Variants in USP34 observed in about 807,000 individuals in gnomAD.
The protein encoded by USP34 is ubiquitin carboxyl-terminal hydrolase 34.
Under a neutral mutation model 460.3 loss-of-function variants are expected in USP34, and 70 were observed. The ratio of observed to expected loss-of-function variants is 0.15; its 90% CI spans 0.13 to 0.19. USP34 has a LOEUF of 0.19. Among genes scored for constraint, USP34 ranks in the 10% least tolerant of loss-of-function variants. The pLI is 1.00. For synonymous variants in USP34, 1,647 were observed against 1,405.3 expected (o/e 1.17, Z -3.85); for missense variants, 3,985 against 4,236.2 (o/e 0.94, Z 1.65).
intron 2 of USP34, among the ~76,000 whole-genome samples, chr2:61,408,213 T>G (rs1292260448): frequency 6.6e-6 from 1 of 152,104 alleles, no homozygotes; most frequent in Admixed American, 6.6e-5. Flanking sequence ...CCACATGAGC[T>G]TTTTACATGA....
At chr2:61,441,083 G>A (rs1208065896) in intron 1 of USP34, among the ~76,000 whole-genome samples, 3 of 150,528 alleles carry the variant, frequency 2.0e-5, no homozygotes, top group Non-Finnish European at 3.0e-5. Flanking sequence ...AGCTGAGATC[G>A]CGCCACTGCA....
chr2:61,248,751 T>C (rs1688490256), intron 48 of USP34, 68 bp from the exon 49 acceptor site: 1 of 1,403,672 alleles, frequency 7.1e-7, no homozygotes, highest in South Asian at 1.5e-5. Flanking sequence ...TGATTTCTGT[T>C]ATGCTATATC....
At chr2:61,231,003 A>C (rs1235608782) in intron 58 of USP34, among the ~76,000 whole-genome samples, 1 of 152,250 alleles carries the variant, frequency 6.6e-6, no homozygotes, top group African/African-American at 2.4e-5. Context: ...TCAAATATTC[A>C]GCTGATGAAC....
Position 61,284,897 on chromosome 2 carries a change from T to C in USP34, c.4810A>G (p.Thr1604Ala). ...LIQRLMSVAY[T>A]YDNLAPRVLK... ...TACCTAGGAGCCAGATTATCATACG[T>C]ATAAGCAACAGACATAAGTCGCTGA... Residue 1604 changes from threonine to alanine, a missense_variant, in exon 35 of 80, where the codon ACG (threonine) becomes GCG (alanine). Transcript: ENST00000398571. 6.2e-7 allele frequency: 1 copy of C among 1,611,096 alleles called. No individual in the cohort carries two copies. The highest frequency in any genetic ancestry group is 1.3e-5 in the African/African-American group (1 of 74,960).
chr2:61,203,821 G>T (rs979823094), intron 74 of USP34, among the ~76,000 whole-genome samples: 2 of 151,304 alleles, frequency 1.3e-5, no homozygotes, highest in East Asian at 1.9e-4. Context: ...TGAGTTAGAA[G>T]AAAGGAACCA....
chr2:61,263,961 T>C (rs1688973168), intron 43 of USP34, among the ~76,000 whole-genome samples: 1 of 152,186 alleles, frequency 6.6e-6, no homozygotes, highest in Non-Finnish European at 1.5e-5. Flanking sequence ...TACTAATTCC[T>C]AGAAGTGTTA....
chr2:61,298,399 G>A (rs1183114731), intron 29 of USP34, among the ~76,000 whole-genome samples: 1 of 147,334 alleles, frequency 6.8e-6, no homozygotes, highest in Non-Finnish European at 1.5e-5. Context: ...CTAGCTGGGC[G>A]TGGTGGCGTG....
chr2:61,469,036 G>T (rs1216791257), intron 1 of USP34, among the ~76,000 whole-genome samples: 3 of 152,034 alleles, frequency 2.0e-5, no homozygotes, highest in Non-Finnish European at 4.4e-5. Flanking sequence ...GTGAAACCCC[G>T]TCTCTACCAA....
At chr2:61,234,034 G>C (rs1204818730) in intron 57 of USP34, among the ~76,000 whole-genome samples, 1 of 152,112 alleles carries the variant, frequency 6.6e-6, no homozygotes, top group Non-Finnish European at 1.5e-5. Context: ...ATAGGGGATA[G>C]ATGAAACAAG....
Position 61,348,856 on chromosome 2 carries a change from T to C in USP34, c.1574A>G (p.Asp525Gly). 1 of 1,613,488 alleles carries C rather than the reference T, an allele frequency of 6.2e-7. No individual in the cohort carries two copies. ...WSPAASPQSSDNSDTHQSGGS... is the reference protein window; with the variant it reads ...WSPAASPQSSGNSDTHQSGGS... ...TCCACTTTGATGTGTATCGCTATTATCACTGCTTTGAGGACTAGCTGCAGG... is the reference window on the plus strand; with the variant it reads ...TCCACTTTGATGTGTATCGCTATTACCACTGCTTTGAGGACTAGCTGCAGG... The change falls in exon 14 of 80, where the codon GAT becomes GGT. Residue 525 changes from aspartate to glycine, a missense_variant. Around this residue, in one of 14 missense-constraint regions of USP34, gnomAD observed 716 missense variants for 626.2 expected, o/e 1.14. Coordinates refer to ENST00000398571, the MANE Select transcript of USP34 (RefSeq NM_014709.4).
chr2:61,249,534 A>G (rs1688516827), intron 48 of USP34, among the ~76,000 whole-genome samples: 1 of 152,248 alleles, frequency 6.6e-6, no homozygotes, highest in African/African-American at 2.4e-5. Flanking sequence ...GAAAAACCAC[A>G]GAGAAGGGAG....
intron 64 of USP34, 78 bp downstream of exon 64, chr2:61,222,979 GAGC>G: frequency 7.9e-7 from 1 of 1,260,462 alleles, no homozygotes. Flanking sequence ...TTACAGGCAT[GAGC>G]CACCGCACTC....
intron 75 of USP34, among the ~76,000 whole-genome samples, chr2:61,196,195 C>A (rs902258299): frequency 8.0e-4 from 120 of 150,012 alleles, no homozygotes; most frequent in African/African-American, 2.8e-3. Context: ...ATTCTCCTGC[C>A]CCAGCATCCC....
intron 10 of USP34, among the ~76,000 whole-genome samples, chr2:61,355,232 G>GA (rs933551610): frequency 4.0e-5 from 6 of 151,622 alleles, no homozygotes; most frequent in Non-Finnish European, 5.9e-5. Flanking sequence ...CTTGCAAAGA[G>GA]AAAAAAAATG....
Position 61,203,261 on chromosome 2 carries a change from G to T in USP34, c.9387C>A (p.Gly3129=). The change falls in exon 75 of 80, where the codon GGC becomes GGA. Residue 3129 remains glycine, a splice_region_variant and synonymous_variant. Transcript: ENST00000398571. ...GCATACGATCATAAACGTCATCTTT[G>T]CCCTGAAGGTTAAAGATGATAAAAT... The part of the protein sequence containing the change: ...LLPTMVETSK[G]KDDVYDRMLL... 6.5e-7 allele frequency: 1 copy of T among 1,544,500 alleles called. No individual in the cohort carries two copies. Among genetic ancestry groups the T allele is most frequent in the Non-Finnish European group, 8.7e-7 (1 of 1,145,226 alleles).
intron 2 of USP34, among the ~76,000 whole-genome samples, chr2:61,417,719 CT>C (rs201901250): frequency 0.14 from 17,879 of 130,642 alleles, 1,328 homozygotes; most frequent in South Asian, 0.33. Context: ...ATACTAAAAT[CT>C]TTTTTTTTTT....
chr2:61,468,233 T>A (rs1695843800), intron 1 of USP34, among the ~76,000 whole-genome samples: 1 of 152,370 alleles, frequency 6.6e-6, no homozygotes, highest in South Asian at 2.1e-4. Flanking sequence ...TTGCCCAGGC[T>A]GGAGTGCAAT....
chr2:61,187,921 A>C lies in USP34; in HGVS notation c.*181T>G, dbSNP rs1686485587. 2.1e-6 allele frequency: 3 copies of C among 1,429,698 alleles called. No individual in the cohort carries two copies. Among genetic ancestry groups the C allele is most frequent in the Non-Finnish European group, 2.8e-6 (3 of 1,089,634 alleles). The allele number at this position is 1,429,698 out of a possible 1,614,324, so 88.6% of individuals were successfully genotyped here. On this transcript the variant is annotated 3_prime_UTR_variant, in exon 80 of 80. Coordinates refer to ENST00000398571, the MANE Select transcript of USP34 (RefSeq NM_014709.4). The stretch of plus-strand genomic sequence containing the variant: ...GATTGCCCTTTAGGAAGTATACTGA[A>C]GATGCAAGTTTTTTTCATCTGGAGT...
intron 57 of USP34, among the ~76,000 whole-genome samples, chr2:61,233,502 G>C (rs1331501251): frequency 6.6e-6 from 1 of 152,126 alleles, no homozygotes. Context: ...GGAGAAAACT[G>C]AACATAGGAT....
Sources: allele counts gnomAD v4.1 joint callset (sites outside exome capture counted in the v4.1 genomes callset), GRCh38; gene constraint gnomAD v4.1.1; regional missense constraint gnomAD v4.1.1; transcripts MANE v1.5; gene names NCBI Gene and HGNC (gene_info 2026-07-23, HGNC 2026-07-21).